The following NFAT5 variants were observed in gnomAD, a reference collection of about 807,000 sequenced individuals.
NFAT5 encodes nuclear factor of activated T-cells 5.
NFAT5 carries 31 observed loss-of-function variants against 166.5 expected under a neutral mutation model. The ratio of observed to expected loss-of-function variants is 0.19; its 90% CI spans 0.14 to 0.25. NFAT5 has a LOEUF of 0.25. Ranked by LOEUF, NFAT5 falls within the 10% of genes least tolerant of loss-of-function variation. NFAT5 has a pLI of 1.00. For synonymous variants in NFAT5, 612 were observed against 639.7 expected, an observed-to-expected ratio of 0.96 and a Z score of 0.65; for missense variants, 1,449 against 1,821.8, an observed-to-expected ratio of 0.80 and a Z score of 3.72.
rs149771093 is a variant in NFAT5 at position 69,576,166 on chromosome 16, G to A, written c.127+7618G>A. On this transcript the variant is annotated intron_variant, in intron 2 of 14. Transcript: ENST00000349945. The stretch of plus-strand genomic sequence containing the variant: ...AAAAATACAAAAAAATTAGCTGGGC[G>A]TGGTGGGCGGGCACCTGTAGTCCCC... 8.7e-3 allele frequency among the ~76,000 whole-genome samples: 1,328 copies of A among 151,848 alleles called. 19 individuals are homozygous for A. Among genetic ancestry groups the A allele is most frequent in the African/African-American group, 0.031 (1,270 of 41,406 alleles).
chr16:69,628,168 T>TTA (rs1221148834), intron 3 of NFAT5, among the ~76,000 whole-genome samples: 4 of 151,590 alleles, frequency 2.6e-5, no homozygotes, highest in Middle Eastern at 3.2e-3. Flanking sequence ...TTAGAAATTC[T>TTA]TATATATATA....
chr16:69,660,102 A>G (rs531073500), intron 7 of NFAT5, among the ~76,000 whole-genome samples: 174 of 152,340 alleles, frequency 1.1e-3, no homozygotes, highest in African/African-American at 4.1e-3. Flanking sequence ...GATGTGGAAC[A>G]TTTTGTAGTT....
chr16:69,630,053 C>T (rs1484230311), intron 3 of NFAT5, among the ~76,000 whole-genome samples: 9 of 151,962 alleles, frequency 5.9e-5, no homozygotes, highest in African/African-American at 1.9e-4. Context: ...TCTCCTGCCT[C>T]AGCCTCCCGA....
Position 69,626,101 on chromosome 16 carries a change from G to A in NFAT5, c.128-302G>A, listed in dbSNP as rs141416191. Among the ~76,000 whole-genome samples, 829 of 147,802 alleles carry A rather than the reference G, an allele frequency of 5.6e-3. 6 individuals are homozygous for A. The highest frequency in any genetic ancestry group is 0.019 in the African/African-American group (753 of 40,060). Reference sequence around the variant, plus strand: ...TGGGACTGTAGGTGTGCATCACCACGCCTGGCTGATTAAAAAAAAAAAAAA... The same window carrying A: ...TGGGACTGTAGGTGTGCATCACCACACCTGGCTGATTAAAAAAAAAAAAAA... On this transcript the variant is annotated intron_variant, in intron 2 of 14. Coordinates refer to ENST00000349945, the MANE Select transcript of NFAT5 (RefSeq NM_138713.4).
intron 2 of NFAT5, among the ~76,000 whole-genome samples, chr16:69,581,785 G>GA (rs1241413024): frequency 1.3e-5 from 2 of 151,964 alleles, no homozygotes; most frequent in Admixed American, 6.6e-5. Context: ...TTTTTATGAT[G>GA]AAAAAATCTT....
Position 69,647,685 on chromosome 16 carries a change from T to C in NFAT5, c.812+99T>C, listed in dbSNP as rs2035496931. Reference sequence around the variant, plus strand: ...CCTAATTGCTGAGCTCAAGTTTGCATATAAAGCAACAGTGCTAATTTTATC... The same window carrying C: ...CCTAATTGCTGAGCTCAAGTTTGCACATAAAGCAACAGTGCTAATTTTATC... On this transcript the variant is annotated intron_variant, in intron 4 of 14. Coordinates refer to ENST00000349945, the MANE Select transcript of NFAT5 (RefSeq NM_138713.4). This position sits in a 1 kb window ranked among gnomAD's most constrained non-coding sequence, Gnocchi z 4.8. 1.8e-6 allele frequency: 2 copies of C among 1,129,984 alleles called. No individual in the cohort carries two copies. Among genetic ancestry groups the C allele is most frequent in the African/African-American group, 3.1e-5 (2 of 63,922 alleles). The allele number at this position is 1,129,984 out of a possible 1,614,324, so 70.0% of individuals were successfully genotyped here.
chr16:69,650,689 CTATTA>C (rs1330831642), intron 4 of NFAT5, among the ~76,000 whole-genome samples: 3 of 152,048 alleles, frequency 2.0e-5, no homozygotes, highest in Non-Finnish European at 2.9e-5. Context: ...TTTCCCTTTT[CTATTA>C]TAAAATTGAT....
At chr16:69,667,082 A>G (rs2036415000) in intron 7 of NFAT5, among the ~76,000 whole-genome samples, 1 of 150,868 alleles carries the variant, frequency 6.6e-6, no homozygotes, top group African/African-American at 2.4e-5. Context: ...ACAAAAAACC[A>G]AACACTGCAT....
chr16:69,607,411 A>C (rs2033471912), intron 2 of NFAT5, among the ~76,000 whole-genome samples: 1 of 152,246 alleles, frequency 6.6e-6, no homozygotes. Flanking sequence ...AGATTACAAT[A>C]AATACTTGAA....
intron 2 of NFAT5, among the ~76,000 whole-genome samples, chr16:69,623,853 G>GAAAAAAAAAAAAAAATA (rs2034317139): frequency 8.5e-6 from 1 of 117,264 alleles, no homozygotes; most frequent in Non-Finnish European, 1.9e-5. Context: ...AAGGAAATTT[G>GAAAAAAAAAAAAAAATA]AAAAAAAAAA....
At chr16:69,648,731 C>G (rs1181082745) in intron 4 of NFAT5, 65 of 975,250 alleles carry the variant, frequency 6.7e-5, no homozygotes, top group Non-Finnish European at 7.8e-5. Context: ...ATTTAACTCT[C>G]TAGGACCCAG....
intron 4 of NFAT5, among the ~76,000 whole-genome samples, chr16:69,651,907 G>C (rs1050242439): frequency 6.6e-6 from 1 of 151,862 alleles, no homozygotes; most frequent in African/African-American, 2.4e-5. Context: ...CCTGACCTCA[G>C]GTGATCCACC....
chr16:69,634,382 AC>A (rs2034861460), intron 3 of NFAT5, among the ~76,000 whole-genome samples: 1 of 152,140 alleles, frequency 6.6e-6, no homozygotes, highest in African/African-American at 2.4e-5. Context: ...TTTTAAAATC[AC>A]TGGGTGCAAA....
intron 2 of NFAT5, among the ~76,000 whole-genome samples, chr16:69,605,069 A>G (rs910927615): frequency 6.6e-6 from 1 of 152,182 alleles, no homozygotes; most frequent in Admixed American, 6.5e-5. Flanking sequence ...AATTCTTTTA[A>G]GTATAAGAAG....
intron 4 of NFAT5, among the ~76,000 whole-genome samples, chr16:69,651,932 A>G (rs1465874383): frequency 6.6e-6 from 1 of 152,016 alleles, no homozygotes; most frequent in African/African-American, 2.4e-5. Context: ...TTGGCCTCCC[A>G]AAGTGCTGGA....
At chr16:69,660,834 G>C (rs2036094843) in intron 7 of NFAT5, among the ~76,000 whole-genome samples, 1 of 151,074 alleles carries the variant, frequency 6.6e-6, no homozygotes, top group African/African-American at 2.4e-5. Flanking sequence ...TTTTGAGATG[G>C]AGTTTCGCTT....
In NFAT5 at chr16:69,566,389, G is replaced by A; in HGVS notation, c.73+15G>A. On this transcript the variant is annotated intron_variant, in intron 1 of 14. Coordinates refer to ENST00000349945, the MANE Select transcript of NFAT5 (RefSeq NM_138713.4). The surrounding 1 kb of genome is among the most constrained non-coding windows in gnomAD (Gnocchi z 5.7). The stretch of plus-strand genomic sequence containing the variant: ...CTACTCGCGAGGTGAGTCAGGCTGT[G>A]GGGGGTGGGGCGTGGGGGCGGGGAG... 2 of 1,564,644 alleles carry A rather than the reference G, an allele frequency of 1.3e-6. No homozygotes were observed. The highest frequency in any genetic ancestry group is 1.2e-5 in the South Asian group (1 of 86,666).
intron 2 of NFAT5, among the ~76,000 whole-genome samples, chr16:69,591,749 C>T (rs1279987366): frequency 1.3e-5 from 2 of 152,078 alleles, no homozygotes; most frequent in Non-Finnish European, 2.9e-5. Flanking sequence ...GGCACAGTAG[C>T]TCACACCTGT....
rs764868144 is a variant in NFAT5, at chr16:69,693,146, A to G, written c.3321A>G (p.Gln1107=). 2.5e-5 allele frequency: 41 copies of G among 1,614,020 alleles called. No individual in the cohort carries two copies. In the Middle Eastern group the frequency reaches 4.9e-4, roughly 19 times the overall value. Reference sequence around the variant, plus strand: ...CTCAGAACCTTTCCCAGGAAACTCAAGGTTCTCTCTTTCATAGTCCAAATC... The same window carrying G: ...CTCAGAACCTTTCCCAGGAAACTCAGGGTTCTCTCTTTCATAGTCCAAATC... ...ADAQNLSQET[Q]GSLFHSPNPI... Residue 1107 remains glutamine (Q), a synonymous_variant, in exon 13 of 15, where the codon CAA becomes CAG. Coordinates refer to ENST00000349945, the MANE Select transcript of NFAT5 (RefSeq NM_138713.4).
Sources: allele counts gnomAD v4.1 joint callset (sites outside exome capture counted in the v4.1 genomes callset), GRCh38; gene constraint gnomAD v4.1.1; non-coding constraint Gnocchi (gnomAD v3.1); transcripts MANE v1.5; gene names NCBI Gene and HGNC (gene_info 2026-07-23, HGNC 2026-07-21).